Variants in NAV2 observed in about 807,000 individuals in gnomAD.
The protein encoded by NAV2 is neuron navigator 2.
NAV2 carries 54 observed loss-of-function variants against 223.2 expected under a neutral mutation model. The ratio of observed to expected loss-of-function variants is 0.24; its 90% CI spans 0.19 to 0.30. The LOEUF is 0.30. NAV2 is among the 10% of genes least tolerant of loss of function. The probability of loss-of-function intolerance (pLI) is 1.00; values close to 1 mark genes in which losing one functional copy is unlikely to be tolerated. For missense variants in NAV2, 2,806 were observed against 3,147.5 expected (o/e 0.89, Z 2.60); for synonymous variants, 1,279 against 1,239.3 (o/e 1.03, Z -0.67).
rs558165836 is a variant in NAV2, at chr11:19,755,788, G to T, written c.267+41826G>T. Among the ~76,000 whole-genome samples, 43 of 152,312 alleles carry T rather than the reference G, an allele frequency of 2.8e-4. 1 individual carries two copies. The highest frequency in any genetic ancestry group is 9.9e-4 in the African/African-American group (41 of 41,550). On this transcript the variant is annotated intron_variant, in intron 1 of 37. Transcript: ENST00000349880. The stretch of plus-strand genomic sequence containing the variant: ...ACTCCTATTATTCTCAGTAGGGAAG[G>T]CACCAGGTTCTAGAGGCCAAAGAAG...
Position 19,758,849 on chromosome 11 carries a change from C to A in NAV2, c.267+44887C>A, listed in dbSNP as rs1216800870. Among the ~76,000 whole-genome samples, 5 of 152,286 alleles carry A rather than the reference C, an allele frequency of 3.3e-5. No individual in the cohort carries two copies. In the East Asian group the frequency reaches 9.6e-4, roughly 29 times the overall value. On this transcript the variant is annotated intron_variant, in intron 1 of 37. Coordinates refer to ENST00000349880, the MANE Select transcript of NAV2 (RefSeq NM_145117.5). ...CTGGCTGCCAGAAAGGGAGCCAAAA[C>A]CTCACCAGGGAGGCAGAGCAACTGC...
chr11:19,534,461 C>T (rs58592108), intron 1 of NAV2, among the ~76,000 whole-genome samples: 4,220 of 152,224 alleles, frequency 0.028, 207 homozygotes, highest in African/African-American at 0.096. Flanking sequence ...CTGCTTCCTA[C>T]GAGCTCAGTG....
At chr11:19,829,600 G>A (rs1307193571) in intron 1 of NAV2, among the ~76,000 whole-genome samples, 1 of 152,206 alleles carries the variant, frequency 6.6e-6, no homozygotes, top group East Asian at 1.9e-4. Context: ...TACCAATGAT[G>A]TAGGTATCAT....
At chr11:19,447,959 C>G (rs183254939) in intron 1 of NAV2, among the ~76,000 whole-genome samples, 1 of 152,170 alleles carries the variant, frequency 6.6e-6, no homozygotes, top group African/African-American at 2.4e-5. Context: ...CCACCTTCCT[C>G]TCTCTCCTCT....
intron 1 of NAV2, among the ~76,000 whole-genome samples, chr11:19,526,594 A>T (rs1161325231): frequency 1.3e-5 from 2 of 152,028 alleles, no homozygotes; most frequent in Non-Finnish European, 2.9e-5. Flanking sequence ...GACAGTTCTT[A>T]CTTGCCTGGT....
upstream of NAV2, among the ~76,000 whole-genome samples, chr11:19,707,905 A>C (rs1278564155): frequency 6.6e-6 from 1 of 152,238 alleles, no homozygotes; most frequent in Admixed American, 6.5e-5. Context: ...CATTATATGC[A>C]GTCAGTCATT....
At chr11:19,704,877 G>A (rs2049611925) in intron 1 of NAV2, among the ~76,000 whole-genome samples, 2 of 151,874 alleles carry the variant, frequency 1.3e-5, no homozygotes, top group South Asian at 4.2e-4. Flanking sequence ...CGGGCGTCGT[G>A]GCGGGCGCCT....
At chr11:19,999,650 C>CGTGAGTCA (rs965617885) in intron 11 of NAV2, among the ~76,000 whole-genome samples, 12 of 152,268 alleles carry the variant, frequency 7.9e-5, no homozygotes, top group Admixed American at 1.3e-4. Context: ...GGATTACAGG[C>CGTGAGTCA]GTGAGTCACC....
chr11:20,100,005 A>G (rs1221701271), intron 31 of NAV2, among the ~76,000 whole-genome samples: 2 of 152,148 alleles, frequency 1.3e-5, no homozygotes, highest in Non-Finnish European at 2.9e-5. Context: ...GTCATTGTAC[A>G]CTTAGATATA....
intron 1 of NAV2, among the ~76,000 whole-genome samples, chr11:19,690,070 A>C (rs2049126260): frequency 1.3e-5 from 2 of 152,098 alleles, no homozygotes; most frequent in African/African-American, 4.8e-5. Flanking sequence ...TCCCGGGTTT[A>C]AGTGATTCTT....
intron 10 of NAV2, among the ~76,000 whole-genome samples, chr11:19,972,896 CA>C (rs903314883): frequency 1.8e-4 from 28 of 152,344 alleles, no homozygotes; most frequent in African/African-American, 6.7e-4. Flanking sequence ...CCACCTTAAA[CA>C]TAGGCCTCCT....
chr11:20,022,493 CGTT>C (rs2054591656), intron 11 of NAV2: 2 of 953,382 alleles, frequency 2.1e-6, no homozygotes, highest in Non-Finnish European at 2.5e-6. Context: ...GTATGTGTGT[CGTT>C]GTTAACTGTA....
At chr11:19,714,098 G>T (rs1004359768) in intron 1 of NAV2, 136 bp downstream of exon 1, 2 of 1,293,540 alleles carry the variant, frequency 1.5e-6, no homozygotes, top group African/African-American at 1.5e-5. Flanking sequence ...CCCTTAGGCC[G>T]GCAGGTTGGG....
intron 5 of NAV2, among the ~76,000 whole-genome samples, chr11:19,884,677 T>C (rs1038007197): frequency 6.6e-6 from 1 of 152,138 alleles, no homozygotes; most frequent in Non-Finnish European, 1.5e-5. Context: ...TAAAGGTGAG[T>C]TTCTACATAG....
intron 31 of NAV2, among the ~76,000 whole-genome samples, chr11:20,100,431 T>C (rs866905118): frequency 6.6e-6 from 1 of 152,118 alleles, no homozygotes; most frequent in African/African-American, 2.4e-5. Context: ...TTAGTGTGGA[T>C]AGCAGTGGTA....
chr11:19,682,217 A>G (rs2048899154), intron 1 of NAV2, among the ~76,000 whole-genome samples: 1 of 152,180 alleles, frequency 6.6e-6, no homozygotes, highest in Non-Finnish European at 1.5e-5. Context: ...GAAAGAAAGA[A>G]AGAAAGAAGG....
intron 1 of NAV2, among the ~76,000 whole-genome samples, chr11:19,811,041 T>C (rs1010031660): frequency 6.6e-6 from 1 of 152,204 alleles, no homozygotes; most frequent in Non-Finnish European, 1.5e-5. Flanking sequence ...ATTTGTTGAA[T>C]GAATGGGTGG....
chr11:19,381,969 A>G (rs575990114), intron 1 of NAV2, among the ~76,000 whole-genome samples: 4 of 152,256 alleles, frequency 2.6e-5, no homozygotes, highest in Admixed American at 6.5e-5. Context: ...TCCTATGCCA[A>G]TCTGCTGGGT....
Position 19,419,181 on chromosome 11 carries a change from C to T in NAV2, c.75+68154C>T, listed in dbSNP as rs905058215. Among the ~76,000 whole-genome samples, 6 of 152,094 alleles carry T rather than the reference C, an allele frequency of 3.9e-5. No individual in the cohort carries two copies. The South Asian group carries it at 1.0e-3, about 26-fold the overall frequency. On this transcript the variant is annotated intron_variant, in intron 1 of 37. Coordinates refer to the NAV2 transcript ENST00000360655. ...TTTCATGGCCCCTGCCTGCAAGTAG[C>T]TCACCTTCTATGAACTGTATTTTGC...
Sources: gnomAD v4.1 joint callset for allele counts (sites outside exome capture counted in the v4.1 genomes callset) on GRCh38, gnomAD v4.1.1 for gene constraint, MANE v1.5 for transcripts, NCBI Gene and HGNC (gene_info 2026-07-23, HGNC 2026-07-21) for gene names.